Variants in SCFD2 observed in about 807,000 individuals in gnomAD.
The protein encoded by SCFD2 is sec1 family domain containing 2, also known as sec1 family domain-containing protein 2.
In SCFD2, 54 loss-of-function variants were observed where a neutral mutation model predicts 58.9. That is an observed-to-expected ratio of 0.92 (90% confidence interval 0.74 to 1.15). The LOEUF (loss-of-function observed/expected upper bound fraction) is 1.15, where lower values mean the gene tolerates loss of function less well. Ranked by LOEUF, SCFD2 falls within the 50% of genes most tolerant of loss-of-function variation. The pLI is 0.00. For missense variants in SCFD2, 805 were observed against 836.6 expected (o/e 0.96, Z 0.47); for synonymous variants, 321 against 335.9 (o/e 0.96, Z 0.49).
chr4:53,011,425 T>C (rs1257189890), intron 5 of SCFD2, among the ~76,000 whole-genome samples: 1 of 152,196 alleles, frequency 6.6e-6, no homozygotes, highest in Non-Finnish European at 1.5e-5. Context: ...AAGAAGGACT[T>C]GATTAGGAAC....
At chr4:52,953,077 A>G (rs188191946) in intron 5 of SCFD2, among the ~76,000 whole-genome samples, 2 of 152,310 alleles carry the variant, frequency 1.3e-5, no homozygotes, top group East Asian at 3.9e-4. Flanking sequence ...AACGAATAAC[A>G]GTAACAACAA....
At chr4:52,947,678 C>A (rs949968569) in intron 5 of SCFD2, among the ~76,000 whole-genome samples, 7 of 151,210 alleles carry the variant, frequency 4.6e-5, no homozygotes, top group Admixed American at 2.0e-4. Flanking sequence ...TCAGTAGGGG[C>A]AAGGATGAAC....
At chr4:52,885,659 G>T (rs1718720368) in intron 8 of SCFD2, 88 bp downstream of exon 8, 2 of 1,490,172 alleles carry the variant, frequency 1.3e-6, no homozygotes, top group African/African-American at 2.8e-5. Context: ...CTAGGAGAGG[G>T]GCACTGGGAC....
chr4:53,095,550 G>A (rs964672783), intron 5 of SCFD2, among the ~76,000 whole-genome samples: 6 of 152,038 alleles, frequency 3.9e-5, no homozygotes, highest in African/African-American at 1.4e-4. Flanking sequence ...CCCCTCTTCA[G>A]TATCTTCTTG....
At chr4:52,915,414 A>G (rs1051351740) in intron 6 of SCFD2, among the ~76,000 whole-genome samples, 1 of 152,190 alleles carries the variant, frequency 6.6e-6, no homozygotes, top group Non-Finnish European at 1.5e-5. Flanking sequence ...TTTTGTTTCA[A>G]CCCAAGACAG....
chr4:53,145,360 A>G lies in SCFD2; in HGVS notation c.1534T>C (p.Leu512=). 2 of 1,614,166 alleles carry G rather than the reference A, an allele frequency of 1.2e-6. No homozygotes were observed. Among genetic ancestry groups the G allele is most frequent in the Non-Finnish European group, 1.7e-6 (2 of 1,180,022 alleles). Residue 512 remains leucine (L), a synonymous_variant, in exon 5 of 9, where the codon TTG becomes CTG. Transcript: ENST00000401642. The part of the protein sequence containing the change: ...LAQVFCEESG[L]SPLLQKITDW... The stretch of plus-strand genomic sequence containing the variant: ...GTAATTTTTTGCAGCAAAGGTGACA[A>G]TCCAGATTCCTCACAGAAGACCTGA...
intron 7 of SCFD2, among the ~76,000 whole-genome samples, chr4:52,892,981 C>T (rs1718912946): frequency 1.3e-5 from 2 of 152,160 alleles, no homozygotes. Flanking sequence ...TAATGTTATG[C>T]AAATACTGAA....
chr4:53,173,040 C>A (rs1441794281), intron 4 of SCFD2, among the ~76,000 whole-genome samples: 1 of 152,036 alleles, frequency 6.6e-6, no homozygotes, highest in Non-Finnish European at 1.5e-5. Flanking sequence ...ATGTTAGGTA[C>A]AATATATTTA....
rs563251737 is a variant in SCFD2 at position 53,182,746 on chromosome 4, C to T, written c.1312-37164G>A. ...TCAGAATGGGAGAAAATTTTTGCAA[C>T]CTACTCATCTGACAAAGGGCTAATA... On this transcript the variant is annotated intron_variant, in intron 4 of 8. Coordinates refer to ENST00000401642, the MANE Select transcript of SCFD2 (RefSeq NM_152540.4). Among the ~76,000 whole-genome samples the T allele has an allele frequency of 9.2e-5, 14 of 152,066 alleles. No homozygotes were observed. In the South Asian group the frequency reaches 2.1e-3, roughly 23 times the overall value.
intron 5 of SCFD2, among the ~76,000 whole-genome samples, chr4:52,935,758 A>C (rs1439070438): frequency 6.6e-6 from 1 of 152,222 alleles, no homozygotes. Context: ...ACTTTGGGGT[A>C]GGTTTTCATA....
intron 2 of SCFD2, among the ~76,000 whole-genome samples, chr4:53,344,726 A>T (rs944738141): frequency 6.6e-6 from 1 of 152,230 alleles, no homozygotes; most frequent in Non-Finnish European, 1.5e-5. Flanking sequence ...TAACCAAAAC[A>T]GCATGGTACT....
intron 5 of SCFD2, among the ~76,000 whole-genome samples, chr4:52,929,724 C>T (rs1213388669): frequency 6.6e-6 from 1 of 152,134 alleles, no homozygotes; most frequent in East Asian, 1.9e-4. Context: ...GGACAAGCAG[C>T]CCTTTGATCC....
intron 2 of SCFD2, among the ~76,000 whole-genome samples, chr4:53,334,569 G>A (rs1305569984): frequency 2.0e-5 from 3 of 147,544 alleles, no homozygotes; most frequent in Non-Finnish European, 1.5e-5. Context: ...CATGGACACA[G>A]GAAGGGGAAT....
intron 2 of SCFD2, among the ~76,000 whole-genome samples, chr4:53,331,465 T>C (rs892668134): frequency 2.0e-5 from 3 of 152,134 alleles, no homozygotes; most frequent in African/African-American, 7.2e-5. Flanking sequence ...CTCAACTACA[T>C]GGAAACTGAA....
rs557791940 is a variant in SCFD2 at position 53,239,179 on chromosome 4, C to T, written c.1311+34647G>A. Among the ~76,000 whole-genome samples the T allele has an allele frequency of 9.1e-3, 1,384 of 151,680 alleles. 15 individuals carry two copies. The highest frequency in any genetic ancestry group is 0.031 in the African/African-American group (1,281 of 41,304). ...CTGGAGACTGGCCTGGCCAACACAGCGAAACCCCGTCTCCACCAAAACCAG... is the reference window on the plus strand; with the variant it reads ...CTGGAGACTGGCCTGGCCAACACAGTGAAACCCCGTCTCCACCAAAACCAG... On this transcript the variant is annotated intron_variant, in intron 4 of 8. Coordinates refer to ENST00000401642, the MANE Select transcript of SCFD2 (RefSeq NM_152540.4).
intron 3 of SCFD2, among the ~76,000 whole-genome samples, chr4:53,306,395 GA>G (rs1732515633): frequency 6.6e-6 from 1 of 152,006 alleles, no homozygotes; most frequent in Non-Finnish European, 1.5e-5. Flanking sequence ...AAGACAAAGG[GA>G]AAAGAACCCA....
chr4:53,248,352 G>T (rs377002556), intron 4 of SCFD2, among the ~76,000 whole-genome samples: 1 of 152,222 alleles, frequency 6.6e-6, no homozygotes, highest in South Asian at 2.1e-4. Flanking sequence ...GGGGAGGGGC[G>T]CCCGCCATTG....
chr4:52,980,958 A>G (rs1721364907), intron 5 of SCFD2, among the ~76,000 whole-genome samples: 1 of 152,170 alleles, frequency 6.6e-6, no homozygotes, highest in Non-Finnish European at 1.5e-5. Context: ...AGTGCCTGGC[A>G]TCTGGAAGAC....
chr4:52,881,603 G>C (rs1279134870), intron 8 of SCFD2, among the ~76,000 whole-genome samples: 1 of 152,190 alleles, frequency 6.6e-6, no homozygotes, highest in Non-Finnish European at 1.5e-5. Context: ...AGTTAATCCA[G>C]CTTAATAGGA....
Sources: gnomAD v4.1 joint callset for allele counts (sites outside exome capture counted in the v4.1 genomes callset) on GRCh38, gnomAD v4.1.1 for gene constraint, MANE v1.5 for transcripts, NCBI Gene and HGNC (gene_info 2026-07-23, HGNC 2026-07-21) for gene names.